The following MTFR1 variants were observed in gnomAD, a reference collection of about 807,000 sequenced individuals.
MTFR1 encodes the protein mitochondrial fission regulator 1.
In MTFR1, 28 loss-of-function variants were observed where a neutral mutation model predicts 38.8. The ratio of observed to expected loss-of-function variants is 0.72; its 90% CI spans 0.53 to 0.99. The LOEUF is 0.99. MTFR1 is among the 50% of genes least tolerant of loss of function. The pLI is 0.00. For missense variants in MTFR1, 358 were observed against 395.5 expected (o/e 0.91, Z 0.81); for synonymous variants, 145 against 137.0 (o/e 1.06, Z -0.41).
intron 1 of MTFR1, among the ~76,000 whole-genome samples, chr8:65,645,692 T>TTCCCC (rs1554544272): frequency 1.6e-4 from 13 of 83,176 alleles, no homozygotes; most frequent in Middle Eastern, 6.8e-3. Flanking sequence ...CGCCCGGCTT[T>TTCCCC]CCCCCCCCCC....
At chr8:65,678,095 TTAA>T (rs1804769879) in intron 2 of MTFR1, among the ~76,000 whole-genome samples, 1 of 152,084 alleles carries the variant, frequency 6.6e-6, no homozygotes, top group Non-Finnish European at 1.5e-5. Flanking sequence ...TAAAGAAATA[TTAA>T]TGACAGTTTG....
chr8:65,694,178 G>A (rs1220949784), intron 4 of MTFR1, among the ~76,000 whole-genome samples: 1 of 150,596 alleles, frequency 6.6e-6, no homozygotes, highest in Non-Finnish European at 1.5e-5. Flanking sequence ...AGGTTCAAGC[G>A]ATTCTCCTGC....
At chr8:65,729,667 G>A (rs1806759256) in intron 3 of MTFR1, among the ~76,000 whole-genome samples, 1 of 151,410 alleles carries the variant, frequency 6.6e-6, no homozygotes, top group Non-Finnish European at 1.5e-5. Flanking sequence ...AGGTTCAATC[G>A]ATTCTCTTAC....
chr8:65,713,485 A>ACACACACACAC (rs1169373621), downstream of MTFR1, among the ~76,000 whole-genome samples: 206 of 119,494 alleles, frequency 1.7e-3, 1 homozygote, highest in African/African-American at 5.1e-3. Flanking sequence ...CACACACACA[A>ACACACACACAC]ACAAAACAAA....
upstream of MTFR1, among the ~76,000 whole-genome samples, chr8:65,644,510 T>C (rs1028842354): frequency 6.6e-6 from 1 of 152,188 alleles, no homozygotes. Flanking sequence ...GACAGGACGG[T>C]GAAGGCACAA....
intron 3 of MTFR1, among the ~76,000 whole-genome samples, chr8:65,758,566 C>T (rs909552300): frequency 2.6e-5 from 4 of 152,224 alleles, no homozygotes; most frequent in Non-Finnish European, 4.4e-5. Context: ...TGAATGTGAG[C>T]ACACACTTGT....
At chr8:65,702,772 C>G (rs1168617009) in intron 4 of MTFR1, among the ~76,000 whole-genome samples, 1 of 151,984 alleles carries the variant, frequency 6.6e-6, no homozygotes, top group Non-Finnish European at 1.5e-5. Context: ...GATGAGGGGA[C>G]AGGACCCCAG....
At chr8:65,712,643 A>G (rs1805984588), downstream of MTFR1, among the ~76,000 whole-genome samples, 1 of 152,222 alleles carries the variant, frequency 6.6e-6, no homozygotes, top group South Asian at 2.1e-4. Context: ...TCAGAAGATT[A>G]GGTAACCTGC....
chr8:65,681,765 C>T (rs1429320084), intron 2 of MTFR1, among the ~76,000 whole-genome samples: 2 of 148,664 alleles, frequency 1.3e-5, no homozygotes, highest in Non-Finnish European at 1.5e-5. Flanking sequence ...AAATTCTGCT[C>T]AGATGAAATT....
At chr8:65,721,953 C>G (rs1048795165) in intron 3 of MTFR1, 34 of 151,996 alleles carry the variant, frequency 2.2e-4, no homozygotes, top group African/African-American at 8.2e-4. Flanking sequence ...TCACACCCAG[C>G]TAATTTTTGT....
chr8:65,747,688 T>C, intron 3 of MTFR1: 1 of 1,611,520 alleles, frequency 6.2e-7, no homozygotes. Context: ...CTAAAATGTT[T>C]AGGGAATTTG....
chr8:65,708,953 T>G (rs777560496), intron 7 of MTFR1, 23 bp from the exon 8 acceptor site: 2 of 1,610,772 alleles, frequency 1.2e-6, no homozygotes, highest in East Asian at 2.2e-5. Flanking sequence ...ATATCTTTAT[T>G]TATACTTTTT....
At chr8:65,659,120 G>GT (rs1302250981) in intron 1 of MTFR1, among the ~76,000 whole-genome samples, 1 of 152,090 alleles carries the variant, frequency 6.6e-6, no homozygotes, top group African/African-American at 2.4e-5. Context: ...GGAGGAAGGG[G>GT]TAGCAGCAGG....
rs182895944 is a variant in MTFR1, at chr8:65,679,870, A to C, written c.67-2483A>C. On this transcript the variant is annotated intron_variant, in intron 2 of 7. Transcript: ENST00000262146. ...GATGTTTTCTTCTAAGCTTCAGAGT[A>C]ACTTTGCTTCTTAACATTCTTTGTA... 5.9e-5 allele frequency among the ~76,000 whole-genome samples: 9 copies of C among 152,302 alleles called. No individual in the cohort carries two copies. In the East Asian group the frequency reaches 1.7e-3, roughly 29 times the overall value.
At chr8:65,752,874 A>T (rs12680705) in intron 3 of MTFR1, among the ~76,000 whole-genome samples, 27,018 of 152,054 alleles carry the variant, frequency 0.18, 3,123 homozygotes, top group East Asian at 0.52. Context: ...ATCCACTATA[A>T]CCATTACTGT....
At chr8:65,646,859 C>T (rs984360154) in intron 1 of MTFR1, among the ~76,000 whole-genome samples, 1 of 152,164 alleles carries the variant, frequency 6.6e-6, no homozygotes, top group Non-Finnish European at 1.5e-5. Flanking sequence ...TCTTAAACTA[C>T]TAAGACAACA....
At chr8:65,746,533 G>T (rs1302774199) in intron 3 of MTFR1, among the ~76,000 whole-genome samples, 9 of 151,822 alleles carry the variant, frequency 5.9e-5, no homozygotes, top group Admixed American at 3.9e-4. Flanking sequence ...TCCCACAAAG[G>T]CCCTAAAAAC....
chr8:65,698,759 A>G (rs553706774), intron 4 of MTFR1, among the ~76,000 whole-genome samples: 42 of 145,772 alleles, frequency 2.9e-4, no homozygotes, highest in Non-Finnish European at 5.0e-4. Context: ...ACAGAGTTTC[A>G]CTCTTGTTGC....
chr8:65,754,793 C>T (rs1363786120), intron 3 of MTFR1, among the ~76,000 whole-genome samples: 4 of 149,400 alleles, frequency 2.7e-5, no homozygotes, highest in African/African-American at 4.9e-5. Context: ...GATGAAGCCC[C>T]GTCTCTACTA....
Sources: allele counts gnomAD v4.1 joint callset (sites outside exome capture counted in the v4.1 genomes callset), GRCh38; gene constraint gnomAD v4.1.1; transcripts MANE v1.5; gene names NCBI Gene and HGNC (gene_info 2026-07-23, HGNC 2026-07-21).